The following ZNF148 variants were observed in gnomAD, a reference collection of about 807,000 sequenced individuals.
The protein encoded by ZNF148 is Beta-Enolase Repressor Factor-1.
A neutral mutation model predicts 67.7 loss-of-function variants in ZNF148; 7 were observed. That is an observed-to-expected ratio of 0.10 (90% CI 0.06 to 0.19). The LOEUF is 0.19. ZNF148 is among the 10% of genes least tolerant of loss of function. The pLI, the probability that ZNF148 is intolerant of heterozygous loss-of-function variation, is 1.00. For missense variants in ZNF148, 583 were observed against 947.1 expected (o/e 0.62, Z 5.05); for synonymous variants, 333 against 330.7 (o/e 1.01, Z -0.08).
rs888682543 is a variant in ZNF148, at chr3:125,230,342, T to C, written c.*1999A>G. The C allele has an allele frequency of 2.0e-5, 3 of 152,596 alleles. No individual in the cohort carries two copies. The highest frequency in any genetic ancestry group is 2.9e-5 in the Non-Finnish European group (2 of 68,020). The allele number at this position is 152,596 out of a possible 1,614,324, so 9.5% of individuals were successfully genotyped here. ...TGAATGAAGCCTTTTTGTAATTATG[T>C]AATGCACAACACAACACACACAATC... is the stretch of plus-strand genomic sequence containing the variant. On this transcript the variant is annotated 3_prime_UTR_variant, in exon 9 of 9. Transcript: ENST00000360647.
intron 4 of ZNF148, among the ~76,000 whole-genome samples, chr3:125,308,216 C>G (rs569288795): frequency 2.5e-4 from 38 of 152,152 alleles, no homozygotes; most frequent in African/African-American, 8.9e-4. Context: ...AATACATAGT[C>G]AATATAAAAA....
At chr3:125,319,564 A>T (rs916082269) in intron 3 of ZNF148, among the ~76,000 whole-genome samples, 14 of 152,248 alleles carry the variant, frequency 9.2e-5, no homozygotes, top group African/African-American at 2.9e-4. Flanking sequence ...TTATACAATT[A>T]ATGAGGTCTT....
chr3:125,369,384 CAA>C (rs759752715), intron 1 of ZNF148, among the ~76,000 whole-genome samples: 15 of 47,500 alleles, frequency 3.2e-4, no homozygotes, highest in East Asian at 1.3e-3. Context: ...ACTGCAACCT[CAA>C]AAAAAAAAAA....
rs562974218 is a variant in ZNF148, at chr3:125,277,590, G to A, written c.667+136C>T. 3.5e-5 allele frequency: 23 copies of A among 658,366 alleles called. No homozygotes were observed. In the South Asian group the frequency reaches 4.5e-4, roughly 13 times the overall value. The allele number at this position is 658,366 out of a possible 1,614,324, so 40.8% of individuals were successfully genotyped here. On this transcript the variant is annotated intron_variant, in intron 7 of 8. Transcript: ENST00000360647. ...TAACAGTTAACATTGATTTATTGAA[G>A]GGAGAAAAAAGATAACCTGTGATTT...
chr3:125,344,348 C>A, intron 1 of ZNF148: 1 of 573,800 alleles, frequency 1.7e-6, no homozygotes, highest in South Asian at 1.9e-5. Flanking sequence ...GAAGAAAATC[C>A]ACTTCCAAAA....
intron 1 of ZNF148, chr3:125,344,831 G>GT: frequency 3.0e-6 from 1 of 330,546 alleles, no homozygotes; most frequent in East Asian, 8.1e-5. Flanking sequence ...GACTGAGGAT[G>GT]CAGGTGGCAG....
intron 7 of ZNF148, among the ~76,000 whole-genome samples, chr3:125,238,992 T>G (rs1372538381): frequency 7.9e-5 from 12 of 152,192 alleles, no homozygotes; most frequent in Non-Finnish European, 1.2e-4. Context: ...ACGCTAAATG[T>G]AGAAGCCAGA....
At chr3:125,355,351 G>C (rs2107767960) in intron 1 of ZNF148, among the ~76,000 whole-genome samples, 1 of 152,186 alleles carries the variant, frequency 6.6e-6, no homozygotes, top group Middle Eastern at 3.4e-3. Flanking sequence ...TAATTTCTTT[G>C]TCATGGGGAC....
At chr3:125,287,220 T>C (rs1938707900) in intron 5 of ZNF148, among the ~76,000 whole-genome samples, 1 of 152,116 alleles carries the variant, frequency 6.6e-6, no homozygotes, top group Admixed American at 6.6e-5. Context: ...AAAAGGACTT[T>C]CTCACCACAT....
chr3:125,268,834 A>T (rs1937600288), intron 7 of ZNF148, among the ~76,000 whole-genome samples: 1 of 152,110 alleles, frequency 6.6e-6, no homozygotes, highest in Admixed American at 6.5e-5. Context: ...ACTGCAACAA[A>T]AACAAAAATT....
At chr3:125,271,696 A>G (rs1486249432) in intron 7 of ZNF148, among the ~76,000 whole-genome samples, 1 of 152,182 alleles carries the variant, frequency 6.6e-6, no homozygotes, top group Non-Finnish European at 1.5e-5. Flanking sequence ...TAATTTATGT[A>G]TTGGGTTACA....
chr3:125,354,572 G>A (rs1156985852), intron 1 of ZNF148, among the ~76,000 whole-genome samples: 8 of 152,278 alleles, frequency 5.3e-5, no homozygotes. Context: ...TAACTAGGGG[G>A]TCTTGCTATA....
chr3:125,304,122 A>G (rs1402816011), intron 4 of ZNF148, among the ~76,000 whole-genome samples: 1 of 152,138 alleles, frequency 6.6e-6, no homozygotes, highest in African/African-American at 2.4e-5. Flanking sequence ...TCAGGTCTAA[A>G]GCCATAAGCT....
intron 4 of ZNF148, among the ~76,000 whole-genome samples, chr3:125,290,179 C>T (rs1477116776): frequency 1.3e-5 from 2 of 152,166 alleles, no homozygotes; most frequent in African/African-American, 2.4e-5. Context: ...ACTACAGAAG[C>T]GGTCAGACAT....
At chr3:125,343,025 G>A (rs1274174443) in intron 1 of ZNF148, among the ~76,000 whole-genome samples, 1 of 152,150 alleles carries the variant, frequency 6.6e-6, no homozygotes, top group African/African-American at 2.4e-5. Context: ...TCTGCAAGGA[G>A]ACAGGAAACA....
chr3:125,374,686 T>A (rs1429681138), intron 1 of ZNF148, among the ~76,000 whole-genome samples: 1 of 152,022 alleles, frequency 6.6e-6, no homozygotes, highest in Non-Finnish European at 1.5e-5. Context: ...CAACAGTGAC[T>A]GAGGCCTGCG....
chr3:125,354,263 C>T (rs1942263546), intron 1 of ZNF148, among the ~76,000 whole-genome samples: 1 of 152,002 alleles, frequency 6.6e-6, no homozygotes, highest in South Asian at 2.1e-4. Flanking sequence ...ATGTTCACTG[C>T]TCCTGCGGCC....
At chr3:125,302,211 T>C (rs1219906823) in intron 4 of ZNF148, among the ~76,000 whole-genome samples, 2 of 151,416 alleles carry the variant, frequency 1.3e-5, no homozygotes, top group East Asian at 1.9e-4. Flanking sequence ...ATCCCATCTC[T>C]GAAAAAAATT....
intron 7 of ZNF148, among the ~76,000 whole-genome samples, chr3:125,251,419 G>A (rs908728870): frequency 3.6e-4 from 55 of 152,250 alleles, no homozygotes; most frequent in East Asian, 3.9e-4. Context: ...TCTAAGTGCC[G>A]TTTGAGGAAT....
Sources: gnomAD v4.1 joint callset for allele counts (sites outside exome capture counted in the v4.1 genomes callset) on GRCh38, gnomAD v4.1.1 for gene constraint, MANE v1.5 for transcripts, NCBI Gene and HGNC (gene_info 2026-07-23, HGNC 2026-07-21) for gene names.